Variants in TULP4 observed in about 807,000 individuals in gnomAD.
TULP4 encodes tubby-related protein 4.
Under a neutral mutation model 129.0 loss-of-function variants are expected in TULP4, and 16 were observed. The ratio of observed to expected loss-of-function variants is 0.12; its 90% CI spans 0.08 to 0.19. The LOEUF is 0.19. Ranked by LOEUF, TULP4 falls within the 10% of genes least tolerant of loss-of-function variation. The pLI, the probability that TULP4 is intolerant of heterozygous loss-of-function variation, is 1.00. For missense variants in TULP4, 1,842 were observed against 2,059.1 expected, an observed-to-expected ratio of 0.89 and a Z score of 2.04; for synonymous variants, 998 against 854.0, an observed-to-expected ratio of 1.17 and a Z score of -2.94.
intron 1 of TULP4, among the ~76,000 whole-genome samples, chr6:158,337,035 T>TTCTC (rs1554281465): frequency 7.5e-5 from 2 of 26,682 alleles, no homozygotes; most frequent in African/African-American, 1.4e-4. Flanking sequence ...CTTTCTTTCT[T>TTCTC]TTTCTTTCTT....
intron 1 of TULP4, among the ~76,000 whole-genome samples, chr6:158,381,158 T>TG (rs778344396): frequency 7.3e-5 from 1 of 13,636 alleles, no homozygotes; most frequent in Admixed American, 4.4e-4. Flanking sequence ...TGCTTTATGG[T>TG]TGTTTTTTTT....
chr6:158,300,003 ATTAG>A (rs1379946501), intron 1 of TULP4, among the ~76,000 whole-genome samples: 2 of 152,148 alleles, frequency 1.3e-5, no homozygotes, highest in African/African-American at 4.8e-5. Flanking sequence ...GAGAAGTGGG[ATTAG>A]TTAGAGGGGT....
intron 1 of TULP4, among the ~76,000 whole-genome samples, chr6:158,376,222 G>A (rs926141677): frequency 5.3e-5 from 8 of 152,178 alleles, no homozygotes; most frequent in Non-Finnish European, 7.3e-5. Flanking sequence ...TCTCTCTCAT[G>A]GGTTCTGGAT....
intron 1 of TULP4, among the ~76,000 whole-genome samples, chr6:158,297,110 C>G (rs1163675902): frequency 6.6e-6 from 1 of 151,854 alleles, no homozygotes; most frequent in Non-Finnish European, 1.5e-5. Flanking sequence ...CCGCATAGGA[C>G]AGACACTCCC....
chr6:158,293,577 G>C (rs9457300), intron 1 of TULP4, among the ~76,000 whole-genome samples: 26,272 of 152,178 alleles, frequency 0.17, 2,706 homozygotes, highest in Middle Eastern at 0.24. Flanking sequence ...ATATGAGTCT[G>C]CTTATGTGCT....
chr6:158,346,832 A>G (rs1780325288), intron 1 of TULP4, among the ~76,000 whole-genome samples: 1 of 148,438 alleles, frequency 6.7e-6, no homozygotes, highest in Admixed American at 6.8e-5. Context: ...ATGATTCTGT[A>G]ATTGTCTGAT....
chr6:158,281,498 G>A (rs1030289691), upstream of TULP4, among the ~76,000 whole-genome samples: 5 of 152,156 alleles, frequency 3.3e-5, no homozygotes, highest in East Asian at 1.9e-4. Flanking sequence ...TTTCCATTCC[G>A]GTTTTTATCC....
At chr6:158,352,685 G>A (rs918540541) in intron 1 of TULP4, among the ~76,000 whole-genome samples, 4 of 152,182 alleles carry the variant, frequency 2.6e-5, no homozygotes, top group African/African-American at 4.8e-5. Flanking sequence ...GTGAGCCACC[G>A]TGCCTGGCCC....
chr6:158,391,924 C>T (rs1322171428), intron 1 of TULP4, among the ~76,000 whole-genome samples: 1 of 152,114 alleles, frequency 6.6e-6, no homozygotes, highest in Non-Finnish European at 1.5e-5. Flanking sequence ...TTTCTTAGTG[C>T]CTGGAATGTG....
At chr6:158,365,454 T>C (rs962811082) in intron 1 of TULP4, among the ~76,000 whole-genome samples, 1 of 151,566 alleles carries the variant, frequency 6.6e-6, no homozygotes, top group Non-Finnish European at 1.5e-5. Flanking sequence ...AGTTTTTTTT[T>C]TCTTTTTTTC....
At chr6:158,293,674 T>C (rs1226732164) in intron 1 of TULP4, among the ~76,000 whole-genome samples, 1 of 152,224 alleles carries the variant, frequency 6.6e-6, no homozygotes, top group Non-Finnish European at 1.5e-5. Context: ...TAAGTTACAA[T>C]GCAAGTCAAT....
At chr6:158,331,702 C>A (rs1447787678) in intron 1 of TULP4, among the ~76,000 whole-genome samples, 1 of 23,088 alleles carries the variant, frequency 4.3e-5, no homozygotes, top group East Asian at 1.2e-3. Context: ...CACACACACA[C>A]ACACACACAC....
At chr6:158,393,388 A>C (rs1341446815) in intron 1 of TULP4, among the ~76,000 whole-genome samples, 2 of 152,128 alleles carry the variant, frequency 1.3e-5, no homozygotes, top group Non-Finnish European at 2.9e-5. Flanking sequence ...TCACAGCTTC[A>C]CCAGGCAGTG....
chr6:158,258,168 G>A (rs369288967), intron 1 of TULP4, among the ~76,000 whole-genome samples: 2 of 152,216 alleles, frequency 1.3e-5, no homozygotes, highest in African/African-American at 4.8e-5. Context: ...AAGGGAATTC[G>A]TTGGAAGGAT....
Position 158,455,363 on chromosome 6 carries a change from C to T in TULP4, c.859+3095C>T, listed in dbSNP as rs1387199907. 2.0e-4 allele frequency among the ~76,000 whole-genome samples: 5 copies of T among 24,658 alleles called. 2 individuals are homozygous for T. The highest frequency in any genetic ancestry group is 3.8e-4 in the Non-Finnish European group (5 of 12,990). 16.2% of individuals were successfully genotyped at this position (24,658 alleles called of 152,430 possible). A position where few individuals can be genotyped will look rare whatever the true frequency, so the allele number is the denominator to read the frequency against. ...TGCTGGGATTACAGGCGTGAGCCAC[C>T]GCGCCCGGCCAAATTTAACATTTTA... On this transcript the variant is annotated intron_variant, in intron 5 of 13. Transcript: ENST00000367097.
intron 6 of TULP4, among the ~76,000 whole-genome samples, chr6:158,464,387 AAG>A (rs1779509496): frequency 6.6e-6 from 1 of 152,192 alleles, no homozygotes; most frequent in Non-Finnish European, 1.5e-5. Flanking sequence ...GGTTGGTTGA[AAG>A]AGTTAAGCTT....
chr6:158,454,027 C>CCG (rs1583894810), intron 5 of TULP4, among the ~76,000 whole-genome samples: 5 of 148,876 alleles, frequency 3.4e-5, no homozygotes, highest in East Asian at 3.9e-4. Context: ...CACCGCCCCC[C>CCG]CCCAAGTAAT....
chr6:158,241,017 C>G (rs1298020845), intron 1 of TULP4, among the ~76,000 whole-genome samples: 1 of 138,166 alleles, frequency 7.2e-6, no homozygotes. Flanking sequence ...AGAGGGTCTC[C>G]TCACTTCTCA....
At chr6:158,232,754 G>C (rs969544174) in intron 1 of TULP4, among the ~76,000 whole-genome samples, 2 of 151,874 alleles carry the variant, frequency 1.3e-5, no homozygotes, top group Non-Finnish European at 2.9e-5. Context: ...CCCCGGCGTC[G>C]GGCCCGAGCG....
Sources: allele counts gnomAD v4.1 joint callset (sites outside exome capture counted in the v4.1 genomes callset), GRCh38; gene constraint gnomAD v4.1.1; transcripts MANE v1.5; gene names NCBI Gene and HGNC (gene_info 2026-07-23, HGNC 2026-07-21).